Variants in PAN3 observed in about 807,000 individuals in gnomAD.
PAN3 encodes poly(A) specific ribonuclease subunit PAN3.
In PAN3, 19 loss-of-function variants were observed where a neutral mutation model predicts 96.2. The observed-to-expected ratio is 0.20, with a 90% CI of 0.14 to 0.29. The LOEUF (loss-of-function observed/expected upper bound fraction) is 0.29, where lower values mean the gene tolerates loss of function less well. Among genes scored for constraint, PAN3 ranks in the 10% least tolerant of loss-of-function variants. The probability of loss-of-function intolerance (pLI) is 1.00; values close to 1 mark genes in which losing one functional copy is unlikely to be tolerated. For synonymous variants in PAN3, 433 were observed against 406.6 expected, an observed-to-expected ratio of 1.06 and a Z score of -0.78; for missense variants, 882 against 1,108.1, an observed-to-expected ratio of 0.80 and a Z score of 2.90.
At chr13:28,178,376 C>A (rs1875323473) in intron 4 of PAN3, among the ~76,000 whole-genome samples, 1 of 151,988 alleles carries the variant, frequency 6.6e-6, no homozygotes, top group East Asian at 1.9e-4. Context: ...ATGGGCCCAA[C>A]AATTTAAAAA....
intron 6 of PAN3, among the ~76,000 whole-genome samples, chr13:28,253,132 C>G (rs1022421641): frequency 7.2e-5 from 11 of 152,198 alleles, no homozygotes; most frequent in Non-Finnish European, 1.6e-4. Context: ...CGTAAGATTC[C>G]TGTGGTTAAA....
intron 5 of PAN3, among the ~76,000 whole-genome samples, chr13:28,213,038 A>C (rs1880237086): frequency 6.6e-6 from 1 of 152,166 alleles, no homozygotes; most frequent in Non-Finnish European, 1.5e-5. Flanking sequence ...AAAAAACAAA[A>C]CAAAACCATT....
At chr13:28,232,142 C>A (rs1050569765) in intron 6 of PAN3, among the ~76,000 whole-genome samples, 2 of 152,036 alleles carry the variant, frequency 1.3e-5, no homozygotes, top group South Asian at 4.1e-4. Context: ...TTTGTAATAT[C>A]TTTGTAGTCT....
At chr13:28,265,537 G>T (rs1235002058) in intron 9 of PAN3, among the ~76,000 whole-genome samples, 2 of 152,180 alleles carry the variant, frequency 1.3e-5, no homozygotes, top group East Asian at 3.9e-4. Flanking sequence ...CCTCATTTAT[G>T]AAATAGGGAA....
intron 5 of PAN3, chr13:28,215,173 A>G (rs1880576118): frequency 7.0e-6 from 5 of 714,440 alleles, no homozygotes; most frequent in African/African-American, 5.2e-5. Flanking sequence ...ACCCATAAAG[A>G]TGGCAGCACC....
intron 5 of PAN3, among the ~76,000 whole-genome samples, chr13:28,202,994 A>G (rs1878921783): frequency 6.6e-6 from 1 of 151,640 alleles, no homozygotes. Flanking sequence ...ACAGGGTCTC[A>G]CTCTGTTGCC....
chr13:28,206,621 C>T (rs1033368827), intron 5 of PAN3, among the ~76,000 whole-genome samples: 2 of 152,060 alleles, frequency 1.3e-5, no homozygotes, highest in Admixed American at 1.3e-4. Context: ...CACACGCGGC[C>T]CCTAACTGAC....
chr13:28,219,848 G>A (rs1279473934), intron 5 of PAN3, among the ~76,000 whole-genome samples: 3 of 152,192 alleles, frequency 2.0e-5, no homozygotes, highest in Non-Finnish European at 2.9e-5. Flanking sequence ...AAGAAAGGCA[G>A]TTTTGACCTT....
chr13:28,290,551 C>A (rs1869627435), intron 18 of PAN3, among the ~76,000 whole-genome samples: 1 of 152,074 alleles, frequency 6.6e-6, no homozygotes, highest in Non-Finnish European at 1.5e-5. Context: ...CGTGGTGGTA[C>A]ATGCCTGTAA....
At chr13:28,190,629 C>G (rs964137311) in intron 4 of PAN3, among the ~76,000 whole-genome samples, 5 of 152,160 alleles carry the variant, frequency 3.3e-5, no homozygotes, top group Admixed American at 2.6e-4. Flanking sequence ...AAGAAATACC[C>G]GAGACTGGGT....
intron 14 of PAN3, 63 bp from the exon 15 acceptor site, chr13:28,277,174 C>T: frequency 6.8e-7 from 1 of 1,461,030 alleles, no homozygotes; most frequent in Non-Finnish European, 9.3e-7. Flanking sequence ...GCAGTAGTGT[C>T]AGTGTATTAA....
chr13:28,240,233 A>G (rs7318122), intron 6 of PAN3, among the ~76,000 whole-genome samples: 1,551 of 152,196 alleles, frequency 0.01, 24 homozygotes, highest in African/African-American at 0.035. Context: ...AGGAAATGAG[A>G]TTAATTATAA....
At chr13:28,243,031 AC>A (rs1251819206) in intron 6 of PAN3, among the ~76,000 whole-genome samples, 4 of 152,014 alleles carry the variant, frequency 2.6e-5, no homozygotes, top group Admixed American at 6.6e-5. Flanking sequence ...ACCCTGATAA[AC>A]TCTTATTTCA....
chr13:28,156,798 GC>G (rs1304818393), intron 1 of PAN3, among the ~76,000 whole-genome samples: 1 of 152,044 alleles, frequency 6.6e-6, no homozygotes, highest in African/African-American at 2.4e-5. Context: ...TTCAAGACCA[GC>G]CTGTGTAACA....
Position 28,251,371 on chromosome 13 carries a change from G to T in PAN3, c.1001-4921G>T, listed in dbSNP as rs74795454. ...CGATTATTTTCTGTGGAAGGTTCTTGTATGTTGTCATTTTTGTGGAAGTGT... is the reference window on the plus strand; with the variant it reads ...CGATTATTTTCTGTGGAAGGTTCTTTTATGTTGTCATTTTTGTGGAAGTGT... On this transcript the variant is annotated intron_variant, in intron 6 of 18. Transcript: ENST00000380958. Among the ~76,000 whole-genome samples the T allele has an allele frequency of 1.0e-3, 152 of 152,316 alleles. 1 individual carries two copies. In the East Asian group the frequency reaches 0.019, roughly 19 times the overall value.
At chr13:28,273,495 G>A (rs1330815641) in intron 14 of PAN3, among the ~76,000 whole-genome samples, 1 of 152,150 alleles carries the variant, frequency 6.6e-6, no homozygotes, top group Non-Finnish European at 1.5e-5. Flanking sequence ...CAGCTACTCA[G>A]GAGGCTAAGG....
intron 6 of PAN3, among the ~76,000 whole-genome samples, chr13:28,235,133 A>G (rs1882960391): frequency 6.6e-6 from 1 of 152,088 alleles, no homozygotes; most frequent in African/African-American, 2.4e-5. Context: ...TCCCCAAATA[A>G]TGTAAAGCTC....
intron 1 of PAN3, among the ~76,000 whole-genome samples, chr13:28,158,395 G>A (rs1308713735): frequency 1.3e-5 from 2 of 152,126 alleles, no homozygotes; most frequent in Non-Finnish European, 2.9e-5. Context: ...TATCAATAGA[G>A]TAAGCAGACA....
intron 1 of PAN3, among the ~76,000 whole-genome samples, chr13:28,172,763 T>C (rs1874470149): frequency 6.6e-6 from 1 of 152,100 alleles, no homozygotes; most frequent in South Asian, 2.1e-4. Flanking sequence ...TGAGGCAAAA[T>C]TAATATAAAC....
Sources: allele counts gnomAD v4.1 joint callset (sites outside exome capture counted in the v4.1 genomes callset), GRCh38; gene constraint gnomAD v4.1.1; transcripts MANE v1.5; gene names NCBI Gene and HGNC (gene_info 2026-07-23, HGNC 2026-07-21).